The following PTPRD variants were observed in gnomAD, a reference collection of about 807,000 sequenced individuals.
PTPRD encodes receptor-type tyrosine-protein phosphatase delta.
A neutral mutation model predicts 214.5 loss-of-function variants in PTPRD; 34 were observed. The observed-to-expected ratio is 0.16, with a 90% confidence interval of 0.12 to 0.21. The LOEUF (loss-of-function observed/expected upper bound fraction) is 0.21, where lower values mean the gene tolerates loss of function less well. Ranked by LOEUF, PTPRD falls within the 10% of genes least tolerant of loss-of-function variation. The pLI is 1.00. For synonymous variants in PTPRD, 1,128 were observed against 845.7 expected, an observed-to-expected ratio of 1.33 and a Z score of -5.79; for missense variants, 2,545 against 2,398.7, an observed-to-expected ratio of 1.06 and a Z score of -1.27.
At chr9:8,456,107 C>T (rs905420129) in intron 33 of PTPRD, among the ~76,000 whole-genome samples, 2 of 152,118 alleles carry the variant, frequency 1.3e-5, no homozygotes, top group Non-Finnish European at 2.9e-5. Context: ...TACTGTTTGA[C>T]TTGTATACAT....
At chr9:9,742,824 T>C (rs1164231984) in intron 6 of PTPRD, among the ~76,000 whole-genome samples, 1 of 152,210 alleles carries the variant, frequency 6.6e-6, no homozygotes, top group East Asian at 1.9e-4. Flanking sequence ...ATGACATATC[T>C]GTGGGATTAA....
intron 8 of PTPRD, among the ~76,000 whole-genome samples, chr9:9,487,935 C>A (rs950867429): frequency 6.6e-6 from 1 of 152,108 alleles, no homozygotes; most frequent in Non-Finnish European, 1.5e-5. Flanking sequence ...ATAATGAGTT[C>A]TTGTCAAAAT....
At chr9:9,895,391 A>T (rs575350609) in intron 5 of PTPRD, among the ~76,000 whole-genome samples, 57 of 152,126 alleles carry the variant, frequency 3.7e-4, no homozygotes, top group Non-Finnish European at 6.0e-4. Context: ...AGAGCCTGAG[A>T]CCTTATATGT....
chr9:9,399,715 G>T (rs1412244811), intron 8 of PTPRD, among the ~76,000 whole-genome samples: 1 of 151,952 alleles, frequency 6.6e-6, no homozygotes, highest in Non-Finnish European at 1.5e-5. Flanking sequence ...TTTTATAAAG[G>T]GGAGTTCCCC....
chr9:8,639,881 T>G (rs925955678), intron 12 of PTPRD, among the ~76,000 whole-genome samples: 10 of 152,226 alleles, frequency 6.6e-5, no homozygotes, highest in South Asian at 6.2e-4. Flanking sequence ...CATTTCGATG[T>G]TTTCCAGGTA....
intron 8 of PTPRD, among the ~76,000 whole-genome samples, chr9:9,466,570 G>T (rs536422428): frequency 1.3e-5 from 2 of 152,194 alleles, no homozygotes; most frequent in African/African-American, 4.8e-5. Flanking sequence ...ACAAATCTGT[G>T]TTTCATACTT....
chr9:8,855,936 A>G (rs1398181179), intron 11 of PTPRD, among the ~76,000 whole-genome samples: 1 of 152,220 alleles, frequency 6.6e-6, no homozygotes, highest in Non-Finnish European at 1.5e-5. Context: ...AATAGCTGAT[A>G]GCATGAGGGT....
chr9:10,066,068 G>A (rs913358029), intron 3 of PTPRD, among the ~76,000 whole-genome samples: 1 of 151,918 alleles, frequency 6.6e-6, no homozygotes, highest in Admixed American at 6.6e-5. Context: ...GGAACTTGAA[G>A]TGAAATATTT....
chr9:8,477,365 T>C (rs2096786251), intron 30 of PTPRD, among the ~76,000 whole-genome samples: 1 of 152,174 alleles, frequency 6.6e-6, no homozygotes, highest in Non-Finnish European at 1.5e-5. Context: ...ATTAGATAAG[T>C]TAAATCTAAC....
chr9:8,600,369 C>T (rs938207677), intron 14 of PTPRD, among the ~76,000 whole-genome samples: 1 of 152,166 alleles, frequency 6.6e-6, no homozygotes, highest in Non-Finnish European at 1.5e-5. Flanking sequence ...AGTCCTAGTG[C>T]TGCACTGGGC....
At chr9:9,912,447 T>G (rs1420143782) in intron 5 of PTPRD, among the ~76,000 whole-genome samples, 1 of 152,228 alleles carries the variant, frequency 6.6e-6, no homozygotes, top group Non-Finnish European at 1.5e-5. Context: ...CTTGGACTCC[T>G]CAGCATAAAA....
At chr9:8,561,502 G>C (rs2086324620) in intron 14 of PTPRD, among the ~76,000 whole-genome samples, 1 of 152,138 alleles carries the variant, frequency 6.6e-6, no homozygotes, top group African/African-American at 2.4e-5. Flanking sequence ...ACACAGGTGG[G>C]CTAGGGTGCA....
chr9:9,683,586 G>A (rs527517893), intron 7 of PTPRD, among the ~76,000 whole-genome samples: 1 of 151,526 alleles, frequency 6.6e-6, no homozygotes, highest in Non-Finnish European at 1.5e-5. Flanking sequence ...AGGAAAAAGG[G>A]GACTAATAAG....
chr9:9,188,655 A>G (rs1056834194), intron 9 of PTPRD, among the ~76,000 whole-genome samples: 2 of 152,044 alleles, frequency 1.3e-5, no homozygotes, highest in African/African-American at 4.8e-5. Context: ...TGGTTGTGCC[A>G]TGAGTGGTAA....
intron 2 of PTPRD, among the ~76,000 whole-genome samples, chr9:10,472,545 C>T (rs1290047449): frequency 6.6e-6 from 1 of 152,080 alleles, no homozygotes; most frequent in African/African-American, 2.4e-5. Flanking sequence ...GAATCACAGG[C>T]TACTTCGGTC....
chr9:8,981,062 C>T (rs772444357), intron 11 of PTPRD, among the ~76,000 whole-genome samples: 16 of 152,044 alleles, frequency 1.1e-4, no homozygotes, highest in African/African-American at 3.4e-4. Context: ...TCCGGCACCT[C>T]GCTAACGGAA....
intron 3 of PTPRD, among the ~76,000 whole-genome samples, chr9:10,125,387 C>A (rs997314378): frequency 4.7e-5 from 7 of 148,152 alleles, no homozygotes; most frequent in Admixed American, 3.4e-4. Flanking sequence ...TTTTTATCTT[C>A]TTTTTTATTT....
intron 8 of PTPRD, among the ~76,000 whole-genome samples, chr9:9,534,353 C>T (rs2076097427): frequency 6.6e-6 from 1 of 152,022 alleles, no homozygotes; most frequent in African/African-American, 2.4e-5. Flanking sequence ...TCAATTACCT[C>T]CATGGCAGCA....
At chr9:8,368,519 C>G (rs1372402342) in intron 39 of PTPRD, among the ~76,000 whole-genome samples, 1 of 152,100 alleles carries the variant, frequency 6.6e-6, no homozygotes. Flanking sequence ...CTATTGGCCT[C>G]ACCTCTCTTC....
Sources: gnomAD v4.1 joint callset for allele counts (sites outside exome capture counted in the v4.1 genomes callset) on GRCh38, gnomAD v4.1.1 for gene constraint, MANE v1.5 for transcripts, NCBI Gene and HGNC (gene_info 2026-07-23, HGNC 2026-07-21) for gene names.